Variants in GSTA1 observed in about 807,000 individuals in gnomAD.
GSTA1 encodes the protein glutathione S-transferase A1.
A neutral mutation model predicts 21.5 loss-of-function variants in GSTA1; 23 were observed. That is an observed-to-expected ratio of 1.07 (90% CI 0.77 to 1.52). The LOEUF is 1.52. Among genes scored for constraint, GSTA1 ranks in the 40% most tolerant of loss-of-function variants. The probability of loss-of-function intolerance (pLI) is 0.00; values close to 1 mark genes in which losing one functional copy is unlikely to be tolerated. For missense variants in GSTA1, 301 were observed against 264.2 expected, an observed-to-expected ratio of 1.14 and a Z score of -0.96; for synonymous variants, 125 against 90.0, an observed-to-expected ratio of 1.39 and a Z score of -2.20.
intron 4 of GSTA1, among the ~76,000 whole-genome samples, chr6:52,794,964 G>T (rs1763541896): frequency 6.6e-6 from 1 of 152,144 alleles, no homozygotes; most frequent in South Asian, 2.1e-4. Context: ...CTTTATTGAT[G>T]CATATTCACA....
In GSTA1 at chr6:52,793,550, A is replaced by C. The variant is rs3798810; in HGVS notation, c.415-563T>G. Among the ~76,000 whole-genome samples, 142 of 152,224 alleles carry C rather than the reference A, an allele frequency of 9.3e-4. 2 individuals carry two copies. In the East Asian group the frequency reaches 0.021, roughly 23 times the overall value. On this transcript the variant is annotated intron_variant, in intron 5 of 6. Coordinates refer to ENST00000334575, the MANE Select transcript of GSTA1 (RefSeq NM_145740.5). ...CTTACAGCATTGACTCTCACTCCCAACTGGCACTATGTTATAATCTGCAAG... is the reference window on the plus strand; with the variant it reads ...CTTACAGCATTGACTCTCACTCCCACCTGGCACTATGTTATAATCTGCAAG...
intron 6 of GSTA1, among the ~76,000 whole-genome samples, chr6:52,792,465 C>T (rs2127300202): frequency 6.6e-6 from 1 of 152,224 alleles, no homozygotes; most frequent in East Asian, 1.9e-4. Context: ...TGTCAGACAG[C>T]AGGAGCCGGA....
At chr6:52,792,799 A>T in intron 6 of GSTA1, 57 bp downstream of exon 6, 1 of 1,612,630 alleles carries the variant, frequency 6.2e-7, no homozygotes, top group African/African-American at 1.3e-5. Flanking sequence ...GGGCCCAGAT[A>T]CAAGATCCCA....
At chr6:52,797,282 G>A (rs1581796279) in intron 3 of GSTA1, among the ~76,000 whole-genome samples, 1 of 152,102 alleles carries the variant, frequency 6.6e-6, no homozygotes, top group Admixed American at 6.5e-5. Context: ...AGGGCTGTAT[G>A]GGATCCTGTG....
intron 3 of GSTA1, 50 bp from the exon 4 acceptor site, chr6:52,796,364 C>A: frequency 6.2e-7 from 1 of 1,609,798 alleles, no homozygotes; most frequent in Non-Finnish European, 8.5e-7. Flanking sequence ...GAAACCCACC[C>A]TTTTGGGATG....
intron 1 of GSTA1, 146 bp from the exon 2 acceptor site, chr6:52,799,443 T>G: frequency 1.7e-6 from 1 of 594,806 alleles, no homozygotes; most frequent in South Asian, 2.4e-5. Context: ...AATGTTTTCT[T>G]GGCTCAAATT....
Position 52,803,815 on chromosome 6 carries a change from A to T in GSTA1, c.-61T>A, listed in dbSNP as rs2127310681. On this transcript the variant is annotated 5_prime_UTR_variant, in exon 1 of 7. Transcript: ENST00000334575. The stretch of plus-strand genomic sequence containing the variant: ...TAAACGCTGTCACCGTCCTGGCTCG[A>T]CAACTGAATTCCAGGTCCTAATGTA... 1.0e-5 allele frequency: 2 copies of T among 194,544 alleles called. No homozygotes were observed. Among genetic ancestry groups the T allele is most frequent in the East Asian group, 1.6e-4 (2 of 12,294 alleles). 12.1% of individuals were successfully genotyped at this position (194,544 alleles called of 1,614,324 possible).
chr6:52,796,073 G>T, intron 4 of GSTA1, 109 bp downstream of exon 4: 8 of 1,539,690 alleles, frequency 5.2e-6, no homozygotes, highest in Non-Finnish European at 5.4e-6. Context: ...CATGCCCAAG[G>T]CCCAGCCTGC....
At chr6:52,795,391 C>T (rs1763552572) in intron 4 of GSTA1, among the ~76,000 whole-genome samples, 3 of 152,088 alleles carry the variant, frequency 2.0e-5, no homozygotes, top group Admixed American at 1.3e-4. Flanking sequence ...GTTGTTTCCA[C>T]TTTTTGAATT....
intron 5 of GSTA1, among the ~76,000 whole-genome samples, chr6:52,793,294 T>G (rs913870477): frequency 6.6e-6 from 1 of 152,124 alleles, no homozygotes; most frequent in African/African-American, 2.4e-5. Flanking sequence ...CTCCATGTGT[T>G]CTGTCTGCCC....
rs1051866 is a variant in GSTA1 at position 52,792,901 on chromosome 6, G to A, written c.501C>T (p.Val167=). ...AGATAAGACTGGAGTCAAGCTCCTC[G>A]ACGTAGTAGAGAAGTTCCACCAGAT... ...DIHLVELLYY[V]EELDSSLISS... Residue 167 remains valine (V), a synonymous_variant, in exon 6 of 7, where the codon GTC becomes GTT. Coordinates refer to ENST00000334575, the MANE Select transcript of GSTA1 (RefSeq NM_145740.5). 6.9e-5 allele frequency: 112 copies of A among 1,614,102 alleles called. No homozygotes were observed. The highest frequency in any genetic ancestry group is 5.1e-4 in the South Asian group (46 of 91,084).
intron 1 of GSTA1, 38 bp downstream of exon 1, chr6:52,803,747 T>C (rs1430681504): frequency 5.6e-6 from 1 of 180,120 alleles, no homozygotes; most frequent in Non-Finnish European, 1.2e-5. Context: ...GAGGAGGGTG[T>C]GAGGCAATGT....
intron 2 of GSTA1, among the ~76,000 whole-genome samples, chr6:52,798,085 T>C (rs575501528): frequency 2.3e-4 from 35 of 152,312 alleles, no homozygotes; most frequent in African/African-American, 7.9e-4. Context: ...CTGTAATTTG[T>C]ATCGCCCCAC....
rs146384230 is a variant in GSTA1, at chr6:52,799,896, G to A, written c.-30-599C>T. ...GAGGATGTCACTGACAGGGAGGACC[G>A]GCAGGGAGCTAAGTCACTCTTCACC... On this transcript the variant is annotated intron_variant, in intron 1 of 6. Coordinates refer to ENST00000334575, the MANE Select transcript of GSTA1 (RefSeq NM_145740.5). 6.6e-3 allele frequency among the ~76,000 whole-genome samples: 1,005 copies of A among 152,210 alleles called. 12 individuals carry two copies. Among genetic ancestry groups the A allele is most frequent in the African/African-American group, 0.023 (964 of 41,546 alleles).
chr6:52,802,956 G>A (rs1455550494), intron 1 of GSTA1, among the ~76,000 whole-genome samples: 3 of 152,114 alleles, frequency 2.0e-5, no homozygotes, highest in Non-Finnish European at 2.9e-5. Flanking sequence ...AAGCAGTGGG[G>A]CACATCAGTA....
rs865954422 is a variant in GSTA1 at position 52,796,541 on chromosome 6, A to T, written c.140-227T>A. On this transcript the variant is annotated intron_variant, in intron 3 of 6. Transcript: ENST00000334575. Reference sequence around the variant, plus strand: ...TGTGTGTGTGTGTGTATATATATATATATTTTTTTTTTTTTTTTTTTTGGC... The same window carrying T: ...TGTGTGTGTGTGTGTATATATATATTTATTTTTTTTTTTTTTTTTTTTGGC... 4.6e-3 allele frequency among the ~76,000 whole-genome samples: 157 copies of T among 34,290 alleles called. 9 individuals are homozygous for T. Among genetic ancestry groups the T allele is most frequent in the African/African-American group, 0.01 (150 of 14,448 alleles). 22.5% of individuals were successfully genotyped at this position (34,290 alleles called of 152,430 possible). A position where few individuals can be genotyped will look rare whatever the true frequency, so the allele number is the denominator to read the frequency against.
chr6:52,792,607 G>A, intron 6 of GSTA1: 2 of 779,274 alleles, frequency 2.6e-6, no homozygotes, highest in Non-Finnish European at 3.7e-6. Context: ...GAGAGATGCT[G>A]GGCCCTGGGT....
intron 1 of GSTA1, among the ~76,000 whole-genome samples, chr6:52,802,388 C>A (rs1465748224): frequency 6.6e-6 from 1 of 152,156 alleles, no homozygotes. Context: ...GTTGTTTAAT[C>A]TCTGAGCCTC....
At chr6:52,795,516 T>C (rs1445466079) in intron 4 of GSTA1, among the ~76,000 whole-genome samples, 1 of 152,198 alleles carries the variant, frequency 6.6e-6, no homozygotes, top group Admixed American at 6.5e-5. Context: ...GGTAATACTA[T>C]ATTAAAGTTT....
Sources: gnomAD v4.1 joint callset for allele counts (sites outside exome capture counted in the v4.1 genomes callset) on GRCh38, gnomAD v4.1.1 for gene constraint, MANE v1.5 for transcripts, NCBI Gene and HGNC (gene_info 2026-07-23, HGNC 2026-07-21) for gene names.